DENND4C: variants seen among roughly 807,000 people sequenced by gnomAD.
DENND4C encodes DENN domain-containing protein 4C.
A neutral mutation model predicts 203.0 loss-of-function variants in DENND4C; 108 were observed. The ratio of observed to expected loss-of-function variants is 0.53; its 90% confidence interval spans 0.46 to 0.62. The LOEUF (loss-of-function observed/expected upper bound fraction) is 0.62, where lower values mean the gene tolerates loss of function less well. DENND4C is among the 20% of genes least tolerant of loss of function. DENND4C has a pLI of 0.00. For synonymous variants in DENND4C, 871 were observed against 792.4 expected (o/e 1.10, Z -1.67); for missense variants, 2,481 against 2,301.2 (o/e 1.08, Z -1.60).
Position 19,365,495 on chromosome 9 carries a change from T to C in DENND4C, c.5524+3532T>C, listed in dbSNP as rs182417425. Among the ~76,000 whole-genome samples the C allele has an allele frequency of 2.0e-4, 30 of 152,316 alleles. No individual in the cohort carries two copies. The South Asian group carries it at 6.0e-3, about 30-fold the overall frequency. On this transcript the variant is annotated intron_variant, in intron 30 of 32. Transcript: ENST00000434457. ...AAGTGTAAGACAAGGATGCCCACTTTTGCCATTTTTATTTACCATTCTACC... is the reference window on the plus strand; with the variant it reads ...AAGTGTAAGACAAGGATGCCCACTTCTGCCATTTTTATTTACCATTCTACC...
At chr9:19,371,953 T>C (rs952532269) in intron 32 of DENND4C, 84 bp from the exon 33 acceptor site, 2 of 1,407,436 alleles carry the variant, frequency 1.4e-6, no homozygotes, top group Admixed American at 2.1e-5. Flanking sequence ...CAAATACATA[T>C]AATTTGACTC....
At chr9:19,311,732 G>C (rs1224068814) in intron 10 of DENND4C, among the ~76,000 whole-genome samples, 1 of 151,622 alleles carries the variant, frequency 6.6e-6, no homozygotes. Context: ...TCACTTTTCA[G>C]ATTGGCCAAA....
At chr9:19,302,846 C>G (rs947218453) in intron 9 of DENND4C, among the ~76,000 whole-genome samples, 2 of 152,304 alleles carry the variant, frequency 1.3e-5, no homozygotes, top group Admixed American at 1.3e-4. Flanking sequence ...GCACTCTTCT[C>G]TTATATATCC....
At chr9:19,240,918 A>G (rs970291170) in intron 1 of DENND4C, among the ~76,000 whole-genome samples, 2 of 152,176 alleles carry the variant, frequency 1.3e-5, no homozygotes, top group East Asian at 1.9e-4. Context: ...AGCCGAGATC[A>G]CGCCACTGCA....
chr9:19,318,698 T>C (rs545181304), intron 12 of DENND4C, among the ~76,000 whole-genome samples: 3 of 152,324 alleles, frequency 2.0e-5, no homozygotes, highest in Admixed American at 2.0e-4. Context: ...ATAGGTATTT[T>C]CTCCATGTGG....
chr9:19,344,701 C>G (rs988844659), intron 22 of DENND4C, among the ~76,000 whole-genome samples: 1 of 152,108 alleles, frequency 6.6e-6, no homozygotes. Context: ...CAGGGTTTCT[C>G]CATGTTGCCC....
At chr9:19,236,326 G>A (rs552297257) in intron 1 of DENND4C, among the ~76,000 whole-genome samples, 1 of 152,208 alleles carries the variant, frequency 6.6e-6, no homozygotes, top group Non-Finnish European at 1.5e-5. Context: ...CACTTGTGTA[G>A]TGTGGATTAG....
chr9:19,328,665 ATCTATCTATCT>A (rs1563808557), intron 16 of DENND4C, among the ~76,000 whole-genome samples: 3,225 of 112,270 alleles, frequency 0.029, 124 homozygotes, highest in African/African-American at 0.11. Flanking sequence ...CTGTCTATCT[ATCTATCTATCT>A]ATCTATCTAT....
intron 2 of DENND4C, among the ~76,000 whole-genome samples, chr9:19,285,576 C>CTTT (rs61396893): frequency 0.44 from 60,054 of 135,392 alleles, 13,646 homozygotes; most frequent in South Asian, 0.6. Context: ...GTCTTTGTGA[C>CTTT]TTTTTTTTTT....
At chr9:19,338,643 C>T (rs916148926) in intron 20 of DENND4C, among the ~76,000 whole-genome samples, 14 of 152,160 alleles carry the variant, frequency 9.2e-5, no homozygotes, top group African/African-American at 3.4e-4. Context: ...AATCTTTCCA[C>T]TTGGTACCTG....
At chr9:19,268,903 C>T (rs1831059481) in intron 1 of DENND4C, among the ~76,000 whole-genome samples, 1 of 152,082 alleles carries the variant, frequency 6.6e-6, no homozygotes, top group Non-Finnish European at 1.5e-5. Context: ...AATTAAATGT[C>T]TGGAGGTAGT....
At chr9:19,333,659 A>G (rs1035319148) in intron 17 of DENND4C, among the ~76,000 whole-genome samples, 50 of 152,208 alleles carry the variant, frequency 3.3e-4, no homozygotes, top group African/African-American at 1.2e-3. Flanking sequence ...GCACTCAGTG[A>G]ATGATATACT....
rs995582619 is a variant in DENND4C, at chr9:19,346,023, G to A, written c.3254G>A (p.Arg1085Lys). 3 of 1,614,104 alleles carry A rather than the reference G, an allele frequency of 1.9e-6. No homozygotes were observed. The Middle Eastern group carries it at 4.9e-4, about 266-fold the overall frequency. ...LKKNGDRGEK[R>K]QKHFPERSCS... The stretch of plus-strand genomic sequence containing the variant: ...AAGAATGGTGATAGAGGAGAAAAAA[G>A]ACAAAAGCATTTTCCTGAGAGGAGT... Residue 1085 changes from arginine to lysine, a missense_variant, in exon 23 of 33, where the codon AGA becomes AAA. Arg to Lys is a conservative substitution (Grantham distance 26, BLOSUM62 2). This residue lies in a region of DENND4C where 2,289 missense variants were observed against 2,113.3 expected (regional missense o/e 1.08). Transcript: ENST00000434457.
upstream of DENND4C, chr9:19,230,641 T>C (rs1820267285): frequency 6.6e-6 from 1 of 151,974 alleles, no homozygotes; most frequent in South Asian, 2.1e-4. Context: ...CCATCGCCCC[T>C]GGCTGTAGGC....
chr9:19,324,700 G>C (rs1216633103), intron 13 of DENND4C, among the ~76,000 whole-genome samples, 193 bp downstream of exon 13: 2 of 152,092 alleles, frequency 1.3e-5, no homozygotes, highest in African/African-American at 4.8e-5. Flanking sequence ...ACCACATATA[G>C]CCAATTTTTC....
chr9:19,369,823 G>C lies in DENND4C; in HGVS notation c.5525-14G>C. 1 of 1,519,526 alleles carries C rather than the reference G, an allele frequency of 6.6e-7. No individual in the cohort carries two copies. Among genetic ancestry groups the C allele is most frequent in the East Asian group, 2.3e-5 (1 of 42,590 alleles). 94.1% of individuals were successfully genotyped at this position (1,519,526 alleles called of 1,614,324 possible). A position where few individuals can be genotyped will look rare whatever the true frequency, so the allele number is the denominator to read the frequency against. On this transcript the variant is annotated splice_polypyrimidine_tract_variant and intron_variant, in intron 30 of 32. Transcript: ENST00000434457. ...TAATAATTGAAAAAAAACTTACTGT[G>C]TTCTTATTGTTAGATTCTGAAAAGA...
chr9:19,257,355 CAA>C (rs71335406), intron 1 of DENND4C, among the ~76,000 whole-genome samples: 9 of 93,686 alleles, frequency 9.6e-5, no homozygotes, highest in Admixed American at 2.3e-4. Context: ...CACTCTGTCT[CAA>C]AAAAAAAAAA....
At chr9:19,342,527 C>T (rs1588955666) in intron 21 of DENND4C, 106 bp from the exon 22 acceptor site, 1 of 1,218,912 alleles carries the variant, frequency 8.2e-7, no homozygotes, top group Non-Finnish European at 1.1e-6. Context: ...AAAATAGACA[C>T]ACTGACTGTT....
Position 19,336,691 on chromosome 9 carries a change from C to A in DENND4C, c.2740C>A (p.Gln914Lys). Reference protein sequence around the residue: ...RSQVSSISALQNVTGGSDGDT... With the variant: ...RSQVSSISALKNVTGGSDGDT... ...GCTATTGTCCTTATCTTTAGCTCTT[C>A]AAAATGTCACAGGTGGAAGTGATGG... is the stretch of plus-strand genomic sequence containing the variant. The change falls in exon 20 of 33, where the codon CAA (glutamine) becomes AAA (lysine). Residue 914 changes from glutamine to lysine, a missense_variant. Transcript: ENST00000434457. The A allele has an allele frequency of 4.5e-6, 7 of 1,550,698 alleles. No homozygotes were observed. Among genetic ancestry groups the A allele is most frequent in the Non-Finnish European group, 6.1e-6 (7 of 1,146,962 alleles).
Sources: gnomAD v4.1 joint callset for allele counts (sites outside exome capture counted in the v4.1 genomes callset) on GRCh38, gnomAD v4.1.1 for gene constraint, gnomAD v4.1.1 regional missense constraint, MANE v1.5 for transcripts, NCBI Gene and HGNC (gene_info 2026-07-23, HGNC 2026-07-21) for gene names.